The following SLC8A1 variants were observed in gnomAD, a reference collection of about 807,000 sequenced individuals.
SLC8A1 encodes sodium/calcium exchanger 1.
SLC8A1 carries 18 observed loss-of-function variants against 68.3 expected under a neutral mutation model. That is an observed-to-expected ratio of 0.26 (90% CI 0.18 to 0.39). The LOEUF (loss-of-function observed/expected upper bound fraction) is 0.39. Among genes scored for constraint, SLC8A1 ranks in the 10% least tolerant of loss-of-function variants. The pLI is 1.00. For synonymous variants in SLC8A1, 475 were observed against 415.5 expected (o/e 1.14, Z -1.74); for missense variants, 985 against 1,156.7 (o/e 0.85, Z 2.15).
upstream of SLC8A1, among the ~76,000 whole-genome samples, chr2:40,454,762 G>C (rs1012687287): frequency 1.3e-5 from 2 of 152,028 alleles, no homozygotes; most frequent in African/African-American, 2.4e-5. Context: ...AGGGCCCCAA[G>C]GCAAATCAAA....
chr2:40,287,209 G>A (rs1249850724), intron 2 of SLC8A1, among the ~76,000 whole-genome samples: 2 of 152,138 alleles, frequency 1.3e-5, no homozygotes, highest in Admixed American at 1.3e-4. Context: ...ATAATATTCA[G>A]CATTTGATGT....
intron 7 of SLC8A1, among the ~76,000 whole-genome samples, chr2:40,137,364 A>T (rs1227607953): frequency 6.6e-6 from 1 of 152,194 alleles, no homozygotes; most frequent in Non-Finnish European, 1.5e-5. Context: ...ATTTGGTTGG[A>T]TAAACTGCTG....
intron 2 of SLC8A1, among the ~76,000 whole-genome samples, chr2:40,424,468 T>G (rs1467990208): frequency 2.6e-5 from 4 of 151,816 alleles, no homozygotes; most frequent in Middle Eastern, 3.2e-3. Flanking sequence ...ACTGAAATTT[T>G]TTTTCCTTTC....
At chr2:40,218,270 GC>G (rs550559980) in intron 2 of SLC8A1, among the ~76,000 whole-genome samples, 103 of 152,268 alleles carry the variant, frequency 6.8e-4, no homozygotes, top group Middle Eastern at 3.4e-3. Context: ...TGCTAGCTGT[GC>G]TTTCCTTTGA....
At chr2:40,329,105 C>T (rs1230654634) in intron 2 of SLC8A1, among the ~76,000 whole-genome samples, 1 of 148,004 alleles carries the variant, frequency 6.8e-6, no homozygotes, top group South Asian at 2.2e-4. Context: ...CACACACGCA[C>T]TGGACTATTT....
intron 2 of SLC8A1, among the ~76,000 whole-genome samples, chr2:40,387,224 C>G (rs577108222): frequency 6.6e-6 from 1 of 151,302 alleles, no homozygotes; most frequent in African/African-American, 2.5e-5. Context: ...TACATCTTTA[C>G]TTGGATATTT....
intron 2 of SLC8A1, among the ~76,000 whole-genome samples, chr2:40,211,323 A>AT (rs1265243149): frequency 6.6e-6 from 1 of 152,170 alleles, no homozygotes; most frequent in Non-Finnish European, 1.5e-5. Context: ...AGTTTTTGAC[A>AT]TTTTATTTGT....
chr2:40,177,777 T>G (rs2048739153), exon 3 of SLC8A1: 1 of 1,549,914 alleles, frequency 6.5e-7, no homozygotes, highest in Non-Finnish European at 8.7e-7. Context: ...TTATCCATTT[T>G]GGTTCCTCAA....
intron 2 of SLC8A1, among the ~76,000 whole-genome samples, chr2:40,218,085 T>G (rs2057762675): frequency 8.3e-6 from 1 of 120,648 alleles, no homozygotes; most frequent in Non-Finnish European, 1.8e-5. Context: ...AGGTTATATT[T>G]CAACTTCTTA....
intron 2 of SLC8A1, among the ~76,000 whole-genome samples, chr2:40,379,746 C>G (rs1433526327): frequency 4.6e-5 from 7 of 151,700 alleles, no homozygotes; most frequent in African/African-American, 1.7e-4. Flanking sequence ...GAGGCTTCTT[C>G]TTTGCTCATT....
chr2:40,209,245 G>C (rs1434379503), intron 2 of SLC8A1: 1 of 152,304 alleles, frequency 6.6e-6, no homozygotes. Flanking sequence ...TGTGACATTT[G>C]AGAAAAGAGT....
At chr2:40,339,209 G>C (rs922169488) in intron 2 of SLC8A1, among the ~76,000 whole-genome samples, 7 of 152,180 alleles carry the variant, frequency 4.6e-5, no homozygotes, top group African/African-American at 1.7e-4. Context: ...TTCCTAAGAT[G>C]TCATTATCTG....
intron 1 of SLC8A1, among the ~76,000 whole-genome samples, chr2:40,488,922 A>G (rs1576655954): frequency 6.6e-6 from 1 of 152,164 alleles, no homozygotes; most frequent in South Asian, 2.1e-4. Flanking sequence ...ATGAAACTAC[A>G]TACCTGGGAC....
upstream of SLC8A1, chr2:40,453,420 G>T (rs929687067): frequency 2.6e-5 from 4 of 152,038 alleles, no homozygotes; most frequent in African/African-American, 4.8e-5. Flanking sequence ...GTGCAACCAG[G>T]GCAGTCACCA....
chr2:40,287,301 G>T (rs2068474474), intron 2 of SLC8A1, among the ~76,000 whole-genome samples: 1 of 152,056 alleles, frequency 6.6e-6, no homozygotes, highest in African/African-American at 2.4e-5. Flanking sequence ...TCAGTGGCTG[G>T]TTGAGATGTC....
intron 2 of SLC8A1, among the ~76,000 whole-genome samples, chr2:40,257,131 C>T (rs1361208415): frequency 3.9e-5 from 6 of 152,068 alleles, no homozygotes; most frequent in Non-Finnish European, 5.9e-5. Context: ...TCTAAATATA[C>T]GGTCTACTAC....
chr2:40,433,167 G>A (rs561430794), intron 1 of SLC8A1, among the ~76,000 whole-genome samples: 4 of 151,912 alleles, frequency 2.6e-5, no homozygotes, highest in Non-Finnish European at 4.4e-5. Context: ...CACTCTTCAC[G>A]TCCCTTAAAA....
intron 2 of SLC8A1, among the ~76,000 whole-genome samples, chr2:40,223,455 T>A (rs2058599917): frequency 6.6e-6 from 1 of 152,096 alleles, no homozygotes; most frequent in African/African-American, 2.4e-5. Context: ...TCATGGCACG[T>A]GTATTCCTAT....
At chr2:40,470,957 TG>T in intron 1 of SLC8A1, among the ~76,000 whole-genome samples, 1 of 152,212 alleles carries the variant, frequency 6.6e-6, no homozygotes. Flanking sequence ...TTAAATCTCA[TG>T]GTACAGATTA....
Sources: allele counts gnomAD v4.1 joint callset (sites outside exome capture counted in the v4.1 genomes callset), GRCh38; gene constraint gnomAD v4.1.1; transcripts MANE v1.5; gene names NCBI Gene and HGNC (gene_info 2026-07-23, HGNC 2026-07-21).